The following PREX2 variants were observed in gnomAD, a reference collection of about 807,000 sequenced individuals.
The protein encoded by PREX2 is phosphatidylinositol 3,4,5-trisphosphate-dependent Rac exchanger 2 protein.
PREX2 carries 107 observed loss-of-function variants against 203.2 expected under a neutral mutation model. That is an observed-to-expected ratio of 0.53 (90% CI 0.45 to 0.62). PREX2 has a LOEUF of 0.62. Ranked by LOEUF, PREX2 falls within the 20% of genes least tolerant of loss-of-function variation. The pLI is 0.00. For synonymous variants in PREX2, 672 were observed against 663.6 expected, an observed-to-expected ratio of 1.01 and a Z score of -0.19; for missense variants, 1,777 against 1,955.9, an observed-to-expected ratio of 0.91 and a Z score of 1.72.
At chr8:68,165,640 C>T (rs547805807) in intron 35 of PREX2, among the ~76,000 whole-genome samples, 1 of 152,018 alleles carries the variant, frequency 6.6e-6, no homozygotes, top group South Asian at 2.1e-4. Flanking sequence ...TGTTTACCTC[C>T]TGAATGGAGG....
chr8:68,156,758 A>G (rs1811550589), intron 34 of PREX2, among the ~76,000 whole-genome samples: 1 of 152,176 alleles, frequency 6.6e-6, no homozygotes, highest in South Asian at 2.1e-4. Context: ...TGACCAGGAA[A>G]GCACCATAAA....
intron 35 of PREX2, among the ~76,000 whole-genome samples, chr8:68,189,628 T>G (rs2129614616): frequency 6.6e-6 from 1 of 152,340 alleles, no homozygotes; most frequent in African/African-American, 2.4e-5. Flanking sequence ...CTCAGCTAGT[T>G]AGAACTGTAT....
At chr8:68,177,426 A>G (rs1010067293) in intron 35 of PREX2, among the ~76,000 whole-genome samples, 4 of 152,076 alleles carry the variant, frequency 2.6e-5, no homozygotes, top group East Asian at 1.9e-4. Flanking sequence ...AATTAGCCCC[A>G]TGGGGGCACA....
chr8:67,972,332 T>C (rs969807525), intron 1 of PREX2, among the ~76,000 whole-genome samples: 1 of 152,232 alleles, frequency 6.6e-6, no homozygotes, highest in Non-Finnish European at 1.5e-5. Flanking sequence ...CCATCAGATA[T>C]AGTCATGTAT....
chr8:68,130,725 G>T (rs115621554), intron 31 of PREX2, among the ~76,000 whole-genome samples: 1,870 of 152,276 alleles, frequency 0.012, 39 homozygotes, highest in African/African-American at 0.043. Flanking sequence ...CTAAGTCACA[G>T]GCCACTTCTC....
intron 30 of PREX2, among the ~76,000 whole-genome samples, chr8:68,122,778 G>A (rs1810803738): frequency 6.6e-6 from 1 of 152,028 alleles, no homozygotes; most frequent in Admixed American, 6.6e-5. Flanking sequence ...AGTTATTCAA[G>A]GGCAGGTTAT....
intron 2 of PREX2, among the ~76,000 whole-genome samples, chr8:68,018,939 G>A (rs2129610189): frequency 6.6e-6 from 1 of 152,306 alleles, no homozygotes; most frequent in South Asian, 2.1e-4. Context: ...GAGTATTTTA[G>A]TTAGCTTGCT....
intron 35 of PREX2, among the ~76,000 whole-genome samples, chr8:68,172,259 C>T (rs899404229): frequency 1.3e-5 from 2 of 152,136 alleles, no homozygotes; most frequent in Admixed American, 6.6e-5. Flanking sequence ...GTCTTTCCTA[C>T]ACATGAAATT....
rs78128510 is a variant in PREX2 at position 67,985,911 on chromosome 8, C to A, written c.142-31935C>A. Among the ~76,000 whole-genome samples the A allele has an allele frequency of 5.6e-4, 85 of 152,148 alleles. 1 individual carries two copies. Among genetic ancestry groups the A allele is most frequent in the African/African-American group, 2.0e-3 (85 of 41,500 alleles). On this transcript the variant is annotated intron_variant, in intron 1 of 39. Transcript: ENST00000288368. ...GTGTCCCTTTAATTCTATTATCAGA[C>A]CATGTGGTTTCTAGCAGGGAACACA...
At chr8:68,165,677 G>T (rs934528981) in intron 35 of PREX2, among the ~76,000 whole-genome samples, 1 of 151,326 alleles carries the variant, frequency 6.6e-6, no homozygotes, top group East Asian at 1.9e-4. Flanking sequence ...TCTTTTAGAA[G>T]TTTTTTTTTC....
At chr8:68,198,850 C>T (rs1251234193) in intron 37 of PREX2, among the ~76,000 whole-genome samples, 1 of 152,146 alleles carries the variant, frequency 6.6e-6, no homozygotes, top group African/African-American at 2.4e-5. Context: ...TCTCTTCACT[C>T]TATATTTTTA....
intron 1 of PREX2, among the ~76,000 whole-genome samples, chr8:68,014,439 T>A (rs1485724385): frequency 6.6e-6 from 1 of 151,646 alleles, no homozygotes; most frequent in Non-Finnish European, 1.5e-5. Flanking sequence ...TGAAAGATCC[T>A]CGGGGTGCGG....
At chr8:67,974,417 A>G (rs1359261243) in intron 1 of PREX2, among the ~76,000 whole-genome samples, 4 of 151,838 alleles carry the variant, frequency 2.6e-5, no homozygotes, top group Non-Finnish European at 4.4e-5. Context: ...AAATTGATGA[A>G]CATTCTTCAT....
intron 11 of PREX2, among the ~76,000 whole-genome samples, chr8:68,068,774 T>C (rs1056134357): frequency 1.3e-5 from 2 of 152,100 alleles, no homozygotes; most frequent in African/African-American, 2.4e-5. Flanking sequence ...TAAATACATA[T>C]ATTATGCTAG....
At chr8:68,221,988 G>T (rs540245952) in intron 38 of PREX2, among the ~76,000 whole-genome samples, 2 of 152,190 alleles carry the variant, frequency 1.3e-5, no homozygotes, top group East Asian at 3.9e-4. Flanking sequence ...TGAGAAAAAA[G>T]TTACAAATAA....
At chr8:68,118,400 A>G in intron 26 of PREX2, 150 bp from the exon 27 acceptor site, 1 of 578,502 alleles carries the variant, frequency 1.7e-6, no homozygotes, top group Non-Finnish European at 3.0e-6. Context: ...TTAAAAAGTA[A>G]GATAGACTGA....
intron 21 of PREX2, among the ~76,000 whole-genome samples, chr8:68,095,489 G>C (rs2129612423): frequency 6.6e-6 from 1 of 151,372 alleles, no homozygotes; most frequent in South Asian, 2.1e-4. Flanking sequence ...TTTTTTTCAG[G>C]AACGGGGCCA....
intron 34 of PREX2, among the ~76,000 whole-genome samples, chr8:68,146,935 G>A (rs1168379430): frequency 2.6e-5 from 4 of 152,116 alleles, no homozygotes; most frequent in African/African-American, 9.7e-5. Flanking sequence ...GTTAGCATGA[G>A]CAAGAAAATT....
At position 68,191,783 on chromosome 8, in the gene PREX2, G is replaced by A. The variant is rs774092508; in HGVS notation, c.4408G>A (p.Asp1470Asn). Reference protein sequence around the residue: ...PNSTSKAAYVDKLMRPLNALD... With the variant: ...PNSTSKAAYVNKLMRPLNALD... ...CTCCACATCCAAAGCTGCCTATGTA[G>A]ATAAGGTAAAAACAGATGATTATAT... Residue 1470 changes from aspartate (D) to asparagine (N), a missense_variant, in exon 36 of 40, where the codon GAT becomes AAT. Transcript: ENST00000288368. The A allele has an allele frequency of 6.3e-7, 1 of 1,599,454 alleles. No homozygotes were observed. Among genetic ancestry groups the A allele is most frequent in the South Asian group, 1.1e-5 (1 of 90,592 alleles).
Sources: gnomAD v4.1 joint callset for allele counts (sites outside exome capture counted in the v4.1 genomes callset) on GRCh38, gnomAD v4.1.1 for gene constraint, MANE v1.5 for transcripts, NCBI Gene and HGNC (gene_info 2026-07-23, HGNC 2026-07-21) for gene names.